The following NXNL2 variants were observed in gnomAD, a reference collection of about 807,000 sequenced individuals.
NXNL2 encodes the protein nucleoredoxin-like protein 2.
Under a neutral mutation model 11.1 loss-of-function variants are expected in NXNL2, and 7 were observed. The ratio of observed to expected loss-of-function variants is 0.63; its 90% CI spans 0.36 to 1.18. The LOEUF (loss-of-function observed/expected upper bound fraction) is 1.18, where lower values mean the gene tolerates loss of function less well. NXNL2 is among the 50% of genes most tolerant of loss of function. NXNL2 has a pLI of 0.02. For synonymous variants in NXNL2, 109 were observed against 101.8 expected (o/e 1.07, Z -0.42); for missense variants, 233 against 217.7 (o/e 1.07, Z -0.44).
chr9:88,537,543 TC>T (rs1243418849), intron 1 of NXNL2, among the ~76,000 whole-genome samples: 2 of 152,216 alleles, frequency 1.3e-5, no homozygotes, highest in African/African-American at 4.8e-5. Context: ...ACACTGAACT[TC>T]CTTAACTCTG....
intron 2 of NXNL2, among the ~76,000 whole-genome samples, chr9:88,573,006 A>T (rs1359498297): frequency 6.6e-6 from 1 of 152,210 alleles, no homozygotes; most frequent in Non-Finnish European, 1.5e-5. Context: ...GCTCAATCCC[A>T]TTAATGTGTC....
intron 1 of NXNL2, among the ~76,000 whole-genome samples, chr9:88,558,976 G>A (rs1267587143): frequency 1.3e-5 from 2 of 151,948 alleles, no homozygotes; most frequent in Non-Finnish European, 1.5e-5. Context: ...TCCCCTTATG[G>A]CACCCAGCAC....
chr9:88,566,050 A>G (rs189482771), intron 1 of NXNL2, among the ~76,000 whole-genome samples: 54 of 152,148 alleles, frequency 3.5e-4, no homozygotes, highest in Non-Finnish European at 7.8e-4. Flanking sequence ...TGCTTTTTCT[A>G]TTGAGTTTTA....
chr9:88,554,666 A>G (rs563707987), intron 1 of NXNL2, among the ~76,000 whole-genome samples: 10 of 152,376 alleles, frequency 6.6e-5, no homozygotes, highest in African/African-American at 2.2e-4. Context: ...ATATTTCTCT[A>G]TATTGCAGAG....
downstream of NXNL2, among the ~76,000 whole-genome samples, chr9:88,545,835 C>T (rs1829838055): frequency 1.3e-5 from 2 of 152,014 alleles, no homozygotes; most frequent in African/African-American, 4.8e-5. Flanking sequence ...GGCGCGGTCT[C>T]AGCTCACTGC....
chr9:88,536,779 A>T (rs1378841534), intron 1 of NXNL2, among the ~76,000 whole-genome samples: 4 of 152,208 alleles, frequency 2.6e-5, no homozygotes, highest in Admixed American at 2.6e-4. Context: ...CCAGTGAAAG[A>T]GGAGGCCCAG....
intron 1 of NXNL2, among the ~76,000 whole-genome samples, chr9:88,556,081 C>T (rs565359064): frequency 6.6e-5 from 10 of 152,296 alleles, no homozygotes; most frequent in South Asian, 2.1e-4. Context: ...GAGCCCCAAG[C>T]GGGTGTTACA....
At chr9:88,569,869 C>T (rs1474994689) in intron 1 of NXNL2, among the ~76,000 whole-genome samples, 3 of 151,970 alleles carry the variant, frequency 2.0e-5, no homozygotes, top group Admixed American at 6.5e-5. Context: ...TATTTTATTT[C>T]GGTTATTTGC....
intron 2 of NXNL2, among the ~76,000 whole-genome samples, chr9:88,574,111 C>T (rs998133846): frequency 1.3e-5 from 2 of 152,028 alleles, no homozygotes; most frequent in African/African-American, 4.8e-5. Context: ...CAATTCCACT[C>T]ATATATATAT....
chr9:88,537,365 T>C (rs1829647927), intron 1 of NXNL2, among the ~76,000 whole-genome samples: 1 of 152,180 alleles, frequency 6.6e-6, no homozygotes, highest in African/African-American at 2.4e-5. Flanking sequence ...CTTGGGGCCA[T>C]GGAGACTGCT....
chr9:88,576,378 AC>A (rs1830349188), downstream of NXNL2, among the ~76,000 whole-genome samples: 1 of 152,152 alleles, frequency 6.6e-6, no homozygotes, highest in African/African-American at 2.4e-5. Flanking sequence ...GGGGACTCAC[AC>A]TTATGTGGTG....
intron 1 of NXNL2, among the ~76,000 whole-genome samples, chr9:88,553,782 T>C (rs376210503): frequency 5.9e-5 from 9 of 152,366 alleles, no homozygotes; most frequent in African/African-American, 2.2e-4. Context: ...TAAAGCCTTA[T>C]GGTTTTTTTG....
At chr9:88,567,412 C>G (rs139150253) in intron 1 of NXNL2, among the ~76,000 whole-genome samples, 5,022 of 152,306 alleles carry the variant, frequency 0.033, 302 homozygotes, top group African/African-American at 0.11. Context: ...GCTGGGATTA[C>G]AGGCGTGAGC....
intron 1 of NXNL2, among the ~76,000 whole-genome samples, chr9:88,551,073 C>T (rs971074532): frequency 2.6e-5 from 4 of 152,116 alleles, no homozygotes; most frequent in Admixed American, 1.3e-4. Flanking sequence ...GCATCTCAAG[C>T]GTGGTCTATT....
At chr9:88,559,291 A>G (rs919171815) in intron 1 of NXNL2, among the ~76,000 whole-genome samples, 2 of 152,158 alleles carry the variant, frequency 1.3e-5, no homozygotes, top group African/African-American at 4.8e-5. Context: ...AGTATGATCA[A>G]TGCCACCAGG....
At chr9:88,567,976 C>T (rs1338051392) in intron 1 of NXNL2, among the ~76,000 whole-genome samples, 1 of 152,190 alleles carries the variant, frequency 6.6e-6, no homozygotes, top group Non-Finnish European at 1.5e-5. Flanking sequence ...AATTTTGCAA[C>T]CTAGGTACGT....
chr9:88,537,096 C>G (rs1024669295), intron 1 of NXNL2, among the ~76,000 whole-genome samples: 2 of 152,182 alleles, frequency 1.3e-5, no homozygotes, highest in Non-Finnish European at 2.9e-5. Flanking sequence ...TGATGGCAGG[C>G]AAGGTATTTT....
chr9:88,574,196 T>C (rs1005770001), intron 2 of NXNL2, among the ~76,000 whole-genome samples: 19 of 152,230 alleles, frequency 1.2e-4, no homozygotes, highest in African/African-American at 4.6e-4. Flanking sequence ...TATTCACCAT[T>C]GTCAAACACT....
chr9:88,573,649 C>A (rs963198868), intron 2 of NXNL2, among the ~76,000 whole-genome samples: 1 of 152,042 alleles, frequency 6.6e-6, no homozygotes, highest in African/African-American at 2.4e-5. Flanking sequence ...TGGTGGTTGC[C>A]AAGAGCAGGA....
Sources: allele counts gnomAD v4.1 joint callset (sites outside exome capture counted in the v4.1 genomes callset), GRCh38; gene constraint gnomAD v4.1.1; transcripts MANE v1.5; gene names NCBI Gene and HGNC (gene_info 2026-07-23, HGNC 2026-07-21).